Variants in REDIC1 observed in about 807,000 individuals in gnomAD.
The protein encoded by REDIC1 is regulator of DNA class I crossover intermediates 1.
the REDIC1 span, among the ~76,000 whole-genome samples, chr12:39,895,514 TTATATA>T: frequency 0.11 from 6,167 of 56,294 alleles, 502 homozygotes; most frequent in Admixed American, 0.17. Context: ...AAAAAAAAAA[TTATATA>T]TATATATATA....
At chr12:39,626,574 G>C in the REDIC1 span, among the ~76,000 whole-genome samples, 1 of 152,080 alleles carries the variant, frequency 6.6e-6, no homozygotes, top group Non-Finnish European at 1.5e-5. Context: ...CTTTACAAAG[G>C]CTTCACCTGT....
At chr12:39,698,587 C>T in the REDIC1 span, among the ~76,000 whole-genome samples, 12 of 151,968 alleles carry the variant, frequency 7.9e-5, no homozygotes, top group African/African-American at 2.4e-4. Flanking sequence ...GATAGACATA[C>T]GTTAGGCAAC....
At chr12:39,678,415 T>C in the REDIC1 span, among the ~76,000 whole-genome samples, 1 of 151,688 alleles carries the variant, frequency 6.6e-6, no homozygotes, top group Non-Finnish European at 1.5e-5. Context: ...AACAGACCAA[T>C]GACAAGTAGT....
At chr12:39,873,090 C>G in the REDIC1 span, among the ~76,000 whole-genome samples, 13 of 152,042 alleles carry the variant, frequency 8.6e-5, no homozygotes, top group African/African-American at 3.1e-4. Context: ...GATGATGGTT[C>G]TTATCTAAAA....
At chr12:39,735,244 G>T in the REDIC1 span, among the ~76,000 whole-genome samples, 2 of 152,156 alleles carry the variant, frequency 1.3e-5, no homozygotes, top group Non-Finnish European at 2.9e-5. Context: ...GCCTTGAAGA[G>T]ATTCTTAGTG....
At chr12:39,712,647 TTATG>T in the REDIC1 span, among the ~76,000 whole-genome samples, 1 of 144,760 alleles carries the variant, frequency 6.9e-6, no homozygotes. Context: ...ACATTTATAT[TTATG>T]TATATATGTA....
At chr12:39,796,928 G>A in the REDIC1 span, among the ~76,000 whole-genome samples, 3 of 152,028 alleles carry the variant, frequency 2.0e-5, no homozygotes, top group African/African-American at 7.2e-5. Flanking sequence ...TAAAGAATGT[G>A]GACATTAAGT....
chr12:39,651,288 A>G, the REDIC1 span, among the ~76,000 whole-genome samples: 1 of 152,134 alleles, frequency 6.6e-6, no homozygotes, highest in South Asian at 2.1e-4. Flanking sequence ...ACTGCGGTTG[A>G]CTGTGGGTTA....
the REDIC1 span, among the ~76,000 whole-genome samples, chr12:39,886,824 G>C: frequency 2.6e-5 from 4 of 152,146 alleles, no homozygotes; most frequent in African/African-American, 9.7e-5. Context: ...TGCAGAGTTG[G>C]AACTGAGGGC....
chr12:39,688,876 G>A, the REDIC1 span, among the ~76,000 whole-genome samples: 1 of 152,206 alleles, frequency 6.6e-6, no homozygotes, highest in Admixed American at 6.5e-5. Context: ...GAGTAAATGG[G>A]TAGTTGATGG....
chr12:39,895,847 TATGTATATGCGTGTATATGC>T, the REDIC1 span, among the ~76,000 whole-genome samples: 4 of 50,850 alleles, frequency 7.9e-5, 1 homozygote, highest in Admixed American at 1.8e-4. Context: ...TGCACACACA[TATGTATATGCGTGTATATGC>T]ACACACATAT....
the REDIC1 span, among the ~76,000 whole-genome samples, chr12:39,708,919 G>T: frequency 6.6e-6 from 1 of 151,752 alleles, no homozygotes; most frequent in African/African-American, 2.4e-5. Flanking sequence ...AATTTTTACT[G>T]GGAAACTGTT....
the REDIC1 span, among the ~76,000 whole-genome samples, chr12:39,857,393 G>A: frequency 1.3e-5 from 2 of 152,068 alleles, no homozygotes; most frequent in Admixed American, 6.5e-5. Flanking sequence ...TATTCCTCTT[G>A]CCCTAAGTAT....
chr12:39,700,998 A>C, the REDIC1 span, among the ~76,000 whole-genome samples: 57 of 152,218 alleles, frequency 3.7e-4, no homozygotes, highest in Admixed American at 3.3e-3. Flanking sequence ...AAATGTAAAG[A>C]CCATCGAGAC....
chr12:39,644,057 C>T, the REDIC1 span: 1 of 607,026 alleles, frequency 1.6e-6, no homozygotes, highest in Non-Finnish European at 2.8e-6. Flanking sequence ...AAATTAGATG[C>T]CTAGTTAATA....
the REDIC1 span, among the ~76,000 whole-genome samples, chr12:39,715,871 G>A: frequency 6.6e-6 from 1 of 151,924 alleles, no homozygotes; most frequent in Admixed American, 6.6e-5. Flanking sequence ...TATGTTGTTA[G>A]TAGTGATATT....
At chr12:39,711,322 A>C in the REDIC1 span, among the ~76,000 whole-genome samples, 1 of 148,278 alleles carries the variant, frequency 6.7e-6, no homozygotes, top group Non-Finnish European at 1.5e-5. Flanking sequence ...ATATCCATAT[A>C]TGTATAGATC....
At chr12:39,646,328 G>A in the REDIC1 span, 1 of 1,111,808 alleles carries the variant, frequency 9.0e-7, no homozygotes, top group Non-Finnish European at 1.2e-6. Context: ...TTTTATTATA[G>A]AAACTGTGAG....
the REDIC1 span, among the ~76,000 whole-genome samples, chr12:39,636,447 T>C: frequency 6.6e-6 from 1 of 152,196 alleles, no homozygotes; most frequent in South Asian, 2.1e-4. Flanking sequence ...CCTGCTTTAG[T>C]TTTGTGGAAA....
Sources: gnomAD v4.1 joint callset for allele counts (sites outside exome capture counted in the v4.1 genomes callset) on GRCh38, gnomAD v4.1.1 for gene constraint, MANE v1.5 for transcripts, NCBI Gene and HGNC (gene_info 2026-07-23, HGNC 2026-07-21) for gene names.